DNM3: variants seen among roughly 807,000 people sequenced by gnomAD.
DNM3 encodes dynamin-3.
A neutral mutation model predicts 101.6 loss-of-function variants in DNM3; 47 were observed. The observed-to-expected ratio is 0.46, with a 90% CI of 0.37 to 0.59. The LOEUF is 0.59. Ranked by LOEUF, DNM3 falls within the 20% of genes least tolerant of loss-of-function variation. The probability of loss-of-function intolerance (pLI) is 0.00; values close to 1 mark genes in which losing one functional copy is unlikely to be tolerated. For synonymous variants in DNM3, 385 were observed against 387.9 expected (o/e 0.99, Z 0.09); for missense variants, 849 against 1,085.7 (o/e 0.78, Z 3.06).
intron 4 of DNM3, 63 bp from the exon 5 acceptor site, chr1:172,032,339 T>C: frequency 8.7e-7 from 1 of 1,151,672 alleles, no homozygotes; most frequent in Non-Finnish European, 1.3e-6. Context: ...CATTGTGACA[T>C]ATATGTCTAA....
chr1:172,182,931 G>T (rs1435874580), intron 14 of DNM3, among the ~76,000 whole-genome samples: 1 of 152,062 alleles, frequency 6.6e-6, no homozygotes, highest in African/African-American at 2.4e-5. Flanking sequence ...TTCCAATTGT[G>T]CAGGTAATTA....
chr1:172,002,835 A>G (rs377638174), intron 4 of DNM3, among the ~76,000 whole-genome samples: 120 of 152,194 alleles, frequency 7.9e-4, no homozygotes, highest in Middle Eastern at 3.4e-3. Context: ...GTGAAGGCAC[A>G]ATGATAAAGT....
intron 11 of DNM3, among the ~76,000 whole-genome samples, chr1:172,076,648 G>A (rs1220141774): frequency 6.6e-6 from 1 of 152,124 alleles, no homozygotes; most frequent in East Asian, 1.9e-4. Flanking sequence ...AACCTGCCTT[G>A]AGTCTCAGGG....
intron 15 of DNM3, among the ~76,000 whole-genome samples, chr1:172,304,512 T>A (rs1366106175): frequency 1.3e-5 from 2 of 152,230 alleles, no homozygotes; most frequent in East Asian, 3.9e-4. Context: ...GGAATTGAAC[T>A]CAGCTCTGCA....
intron 1 of DNM3, among the ~76,000 whole-genome samples, chr1:171,917,836 T>C (rs931268633): frequency 6.6e-6 from 1 of 152,254 alleles, no homozygotes; most frequent in Non-Finnish European, 1.5e-5. Flanking sequence ...TCATTATTTT[T>C]CCAGCATTTA....
chr1:172,285,161 G>A (rs1369371519), intron 15 of DNM3, among the ~76,000 whole-genome samples: 1 of 152,162 alleles, frequency 6.6e-6, no homozygotes, highest in Non-Finnish European at 1.5e-5. Flanking sequence ...GGCTGCCACT[G>A]AAGTGCATGA....
intron 17 of DNM3, among the ~76,000 whole-genome samples, chr1:172,326,368 ACAG>A (rs888811656): frequency 1.6e-4 from 24 of 152,280 alleles, no homozygotes; most frequent in African/African-American, 5.8e-4. Context: ...TCCCTGGACC[ACAG>A]ATTCCAAGTC....
At chr1:172,098,792 C>T (rs982968861) in intron 13 of DNM3, among the ~76,000 whole-genome samples, 3 of 152,126 alleles carry the variant, frequency 2.0e-5, no homozygotes, top group Non-Finnish European at 4.4e-5. Context: ...GTTCGGGGTC[C>T]CTGACTTTCC....
chr1:172,060,171 A>G (rs2051053670), intron 10 of DNM3, among the ~76,000 whole-genome samples: 1 of 141,344 alleles, frequency 7.1e-6, no homozygotes, highest in Non-Finnish European at 1.5e-5. Flanking sequence ...GGAGAACTAC[A>G]AACCACTGCT....
At chr1:171,949,456 C>T (rs934140439) in intron 2 of DNM3, among the ~76,000 whole-genome samples, 1 of 152,178 alleles carries the variant, frequency 6.6e-6, no homozygotes, top group African/African-American at 2.4e-5. Flanking sequence ...GTCAGCCAAG[C>T]TGGAGTGCAG....
chr1:172,110,817 C>T lies in DNM3; in HGVS notation c.1545+17942C>T, dbSNP rs534104778. 4.1e-4 allele frequency among the ~76,000 whole-genome samples: 62 copies of T among 152,312 alleles called. No individual in the cohort carries two copies. In the South Asian group the frequency reaches 0.013, roughly 31 times the overall value. On this transcript the variant is annotated intron_variant, in intron 13 of 20. Transcript: ENST00000627582. ...TTGAAAGGGTGAGGCAGGTGGATTG[C>T]TTGAGCCCAGGAGTTGGAGACAAGC...
intron 13 of DNM3, among the ~76,000 whole-genome samples, chr1:172,096,558 A>G (rs933870535): frequency 6.6e-6 from 1 of 152,200 alleles, no homozygotes; most frequent in Admixed American, 6.5e-5. Flanking sequence ...GTTGTCTTCA[A>G]TGCATCAAGA....
At chr1:172,357,399 G>T (rs1360944162) in intron 17 of DNM3, among the ~76,000 whole-genome samples, 2 of 152,118 alleles carry the variant, frequency 1.3e-5, no homozygotes, top group Non-Finnish European at 2.9e-5. Context: ...GACATCACAT[G>T]TCTCCTGATG....
rs570694834 is a variant in DNM3 at position 171,945,030 on chromosome 1, A to AT, written c.235+23218dup. Among the ~76,000 whole-genome samples the AT allele has an allele frequency of 1.9e-3, 291 of 149,894 alleles. 3 individuals carry two copies. The Middle Eastern group carries it at 0.021, about 11-fold the overall frequency. On this transcript the variant is annotated intron_variant, in intron 2 of 20. Coordinates refer to ENST00000627582, the MANE Select transcript of DNM3 (RefSeq NM_015569.5). ...GGGAACACATCACCATGCCTGACTG[A>AT]TTTTTTTTTAAAAATTATTATTTGT...
chr1:172,264,918 G>A (rs1388391490), intron 15 of DNM3, among the ~76,000 whole-genome samples: 2 of 152,162 alleles, frequency 1.3e-5, no homozygotes, highest in African/African-American at 4.8e-5. Context: ...CTATGGAATA[G>A]GAATTCTGCC....
rs1224183310 is a variant in DNM3, at chr1:172,244,333, C to A, written c.1660-9240C>A. Among the ~76,000 whole-genome samples the A allele has an allele frequency of 2.0e-5, 3 of 152,094 alleles. No individual in the cohort carries two copies. In the East Asian group the frequency reaches 5.8e-4, roughly 29 times the overall value. ...TAATGCCGCAATAAACATACGTGTG[C>A]ATGTGACAAAATTGACAAATGGGAT... On this transcript the variant is annotated intron_variant, in intron 14 of 20. Transcript: ENST00000627582.
intron 1 of DNM3, among the ~76,000 whole-genome samples, chr1:171,849,830 A>G (rs2032706778): frequency 6.6e-6 from 1 of 152,232 alleles, no homozygotes; most frequent in African/African-American, 2.4e-5. Context: ...TAAGCTGGAA[A>G]AAAGTTGGGT....
chr1:171,859,001 T>C (rs1462287069), intron 1 of DNM3, among the ~76,000 whole-genome samples: 1 of 152,172 alleles, frequency 6.6e-6, no homozygotes, highest in Non-Finnish European at 1.5e-5. Flanking sequence ...CATAGCATAA[T>C]TGATATGGAA....
chr1:172,394,966 T>C (rs2069852433), intron 20 of DNM3, among the ~76,000 whole-genome samples: 1 of 152,214 alleles, frequency 6.6e-6, no homozygotes, highest in Non-Finnish European at 1.5e-5. Flanking sequence ...CACTTCGTTG[T>C]TTCCCTCACT....
Sources: allele counts gnomAD v4.1 joint callset (sites outside exome capture counted in the v4.1 genomes callset), GRCh38; gene constraint gnomAD v4.1.1; transcripts MANE v1.5; gene names NCBI Gene and HGNC (gene_info 2026-07-23, HGNC 2026-07-21).